Variants in CCDC32 observed in about 807,000 individuals in gnomAD.
CCDC32 encodes coiled-coil domain-containing protein 32.
Under a neutral mutation model 20.1 loss-of-function variants are expected in CCDC32, and 9 were observed. The ratio of observed to expected loss-of-function variants is 0.45; its 90% CI spans 0.27 to 0.78. CCDC32 has a LOEUF of 0.78. CCDC32 is among the 30% of genes least tolerant of loss of function. The pLI, the probability that CCDC32 is intolerant of heterozygous loss-of-function variation, is 0.16. For missense variants in CCDC32, 204 were observed against 215.5 expected (o/e 0.95, Z 0.33); for synonymous variants, 63 against 79.0 (o/e 0.80, Z 1.07).
At chr15:40,563,564 A>C (rs533160531) in intron 1 of CCDC32, among the ~76,000 whole-genome samples, 9 of 152,208 alleles carry the variant, frequency 5.9e-5, no homozygotes, top group African/African-American at 2.2e-4. Flanking sequence ...AGTTTGGGAA[A>C]ATGAAAAAGT....
chr15:40,523,949 G>A (rs1236854071), downstream of CCDC32, among the ~76,000 whole-genome samples: 1 of 152,068 alleles, frequency 6.6e-6, no homozygotes, highest in Non-Finnish European at 1.5e-5. Flanking sequence ...ATTTACCCAA[G>A]ATAAAAGAAA....
Position 40,553,818 on chromosome 15 carries a change from A to C in CCDC32, c.*153T>G. On this transcript the variant is annotated 3_prime_UTR_variant, in exon 4 of 4. Transcript: ENST00000416810. ...CAGCTGTTTTCTTTGTGGAGTGGAA[A>C]TTTGGGTTTTTTCCTTCAGTGGATT... The C allele has an allele frequency of 7.2e-7, 1 of 1,392,732 alleles. No individual in the cohort carries two copies. Among genetic ancestry groups the C allele is most frequent in the Non-Finnish European group, 9.3e-7 (1 of 1,073,440 alleles). 86.3% of individuals were successfully genotyped at this position (1,392,732 alleles called of 1,614,324 possible).
chr15:40,562,882 T>C lies in CCDC32; in HGVS notation c.134A>G (p.Asp45Gly). 1 of 1,614,202 alleles carries C rather than the reference T, an allele frequency of 6.2e-7. No individual in the cohort carries two copies. The highest frequency in any genetic ancestry group is 8.5e-7 in the Non-Finnish European group (1 of 1,180,050). ...ANNAFSDSFVDSCPEGEGQRE... is the reference protein window; with the variant it reads ...ANNAFSDSFVGSCPEGEGQRE... ...CTGGCCTTCACCTTCAGGGCAAGAA[T>C]CCACAAAGGAGTCTGAGAATGCATT... is the stretch of plus-strand genomic sequence containing the variant. The change falls in exon 2 of 4, where the codon GAT (aspartate) becomes GGT (glycine). Residue 45 changes from aspartate (D) to glycine (G), a missense_variant. By Grantham distance (94) the Asp-to-Gly change is moderately conservative. Coordinates refer to ENST00000416810, the MANE Select transcript of CCDC32 (RefSeq NM_001080792.4).
rs1448692735 is a variant in CCDC32, at chr15:40,557,109, CT to C, written c.401+106del. The C allele has an allele frequency of 4.2e-6, 6 of 1,417,922 alleles. No homozygotes were observed. The Admixed American group carries it at 1.0e-4, about 24-fold the overall frequency. The allele number at this position is 1,417,922 out of a possible 1,614,324, so 87.8% of individuals were successfully genotyped here. On this transcript the variant is annotated intron_variant, in intron 3 of 3. Transcript: ENST00000416810. ...ACCAACACGTAGCTGCAGTATTTGCCTTTTGGCAAAAAAGTCTGTTCTTAAA... is the reference window on the plus strand; with the variant it reads ...ACCAACACGTAGCTGCAGTATTTGCCTTTGGCAAAAAAGTCTGTTCTTAAA...
At position 40,544,613 on chromosome 15, in the gene CCDC32, AAC is replaced by A. The variant is rs1415322560; in HGVS notation, c.402-5260_402-5259del. Among the ~76,000 whole-genome samples the A allele has an allele frequency of 6.6e-5, 10 of 152,326 alleles. No homozygotes were observed. In the South Asian group the frequency reaches 2.1e-3, roughly 32 times the overall value. On this transcript the variant is annotated intron_variant, in intron 3 of 3. Coordinates refer to the CCDC32 transcript ENST00000558113. ...AGCCCAGAGCTCCCTGTGCTATACC[AAC>A]ACACAGAGAGAGTCAACAGTGGGAG...
chr15:40,537,720 TG>T (rs1242563294), downstream of CCDC32: 1 of 152,154 alleles, frequency 6.6e-6, no homozygotes. Context: ...GAGGCTGAGG[TG>T]GGCGGATCAC....
intron 3 of CCDC32, among the ~76,000 whole-genome samples, chr15:40,547,021 A>T (rs1314761062): frequency 6.6e-6 from 1 of 152,012 alleles, no homozygotes; most frequent in Non-Finnish European, 1.5e-5. Flanking sequence ...GCAGTTTTTT[A>T]ACTGAATGCC....
chr15:40,522,517 G>A, the CCDC32 span, among the ~76,000 whole-genome samples: 1 of 152,194 alleles, frequency 6.6e-6, no homozygotes, highest in Admixed American at 6.5e-5. Context: ...TTTTGCTGTA[G>A]ATTGCAATGA....
downstream of CCDC32, chr15:40,535,170 T>A: frequency 8.5e-7 from 1 of 1,180,800 alleles, no homozygotes; most frequent in South Asian, 1.5e-5. Flanking sequence ...AACGTGACGG[T>A]GGCATATAAG....
the CCDC32 span, among the ~76,000 whole-genome samples, chr15:40,522,259 A>G: frequency 6.6e-6 from 1 of 152,230 alleles, no homozygotes; most frequent in East Asian, 1.9e-4. Flanking sequence ...TTGAAAATCA[A>G]TTAATCATAA....
chr15:40,551,625 A>G (rs1488967013), downstream of CCDC32, among the ~76,000 whole-genome samples: 1 of 151,802 alleles, frequency 6.6e-6, no homozygotes, highest in Admixed American at 6.6e-5. Context: ...TCCAGACAAC[A>G]TGGCGAAATC....
At chr15:40,524,792 C>T (rs1486105402), downstream of CCDC32, among the ~76,000 whole-genome samples, 5 of 116,376 alleles carry the variant, frequency 4.3e-5, no homozygotes, top group African/African-American at 1.6e-4. Flanking sequence ...TGTTCTGTTG[C>T]TCAGGTTTTC....
chr15:40,532,752 C>T (rs1888937661), downstream of CCDC32, among the ~76,000 whole-genome samples: 1 of 115,136 alleles, frequency 8.7e-6, no homozygotes, highest in African/African-American at 3.3e-5. Context: ...GAGAGAATCT[C>T]ACTCTGTCAC....
At position 40,554,058 on chromosome 15, in the gene CCDC32, A is replaced by G; in HGVS notation, c.471T>C (p.Tyr157=). The change falls in exon 4 of 4, where the codon TAT becomes TAC. Residue 157 remains tyrosine (Y), a synonymous_variant. Transcript: ENST00000416810. ...KVAVSTEEVQ[Y]LIPPESQVEK... The stretch of plus-strand genomic sequence containing the variant: ...CAACCTGTGACTCTGGAGGAATCAG[A>G]TACTGGACCTCCTCTGTGCTGACGG... 1 of 1,613,976 alleles carries G rather than the reference A, an allele frequency of 6.2e-7. No individual in the cohort carries two copies. Among genetic ancestry groups the G allele is most frequent in the East Asian group, 2.2e-5 (1 of 44,890 alleles).
At chr15:40,541,042 G>C (rs1395538097) in intron 3 of CCDC32, among the ~76,000 whole-genome samples, 1 of 152,182 alleles carries the variant, frequency 6.6e-6, no homozygotes, top group Non-Finnish European at 1.5e-5. Flanking sequence ...CCTGGAAGGC[G>C]GATCCTGGCC....
chr15:40,525,520 A>T (rs895620123), downstream of CCDC32, among the ~76,000 whole-genome samples: 1 of 152,152 alleles, frequency 6.6e-6, no homozygotes, highest in African/African-American at 2.4e-5. Flanking sequence ...ATTCTGAAAA[A>T]GTCCTTCTAA....
chr15:40,529,093 C>G (rs1888804778), intron 3 of CCDC32, among the ~76,000 whole-genome samples: 1 of 152,244 alleles, frequency 6.6e-6, no homozygotes, highest in Non-Finnish European at 1.5e-5. Flanking sequence ...CACACGTACA[C>G]TAGAAGCTGC....
chr15:40,558,948 C>T (rs756918776), intron 2 of CCDC32, among the ~76,000 whole-genome samples: 3 of 151,992 alleles, frequency 2.0e-5, no homozygotes, highest in East Asian at 3.9e-4. Context: ...AGATTACAGG[C>T]GCACACCATC....
chr15:40,538,138 G>C (rs530842411), downstream of CCDC32: 1 of 152,252 alleles, frequency 6.6e-6, no homozygotes, highest in Non-Finnish European at 1.5e-5. Context: ...TTTGGGGACT[G>C]TACTCCTGTA....
Sources: gnomAD v4.1 joint callset for allele counts (sites outside exome capture counted in the v4.1 genomes callset) on GRCh38, gnomAD v4.1.1 for gene constraint, MANE v1.5 for transcripts, NCBI Gene and HGNC (gene_info 2026-07-23, HGNC 2026-07-21) for gene names.